The following ZBED6 variants were observed in gnomAD, a reference collection of about 807,000 sequenced individuals.
The protein encoded by ZBED6 is zinc finger BED-type containing 6.
A neutral mutation model predicts 58.4 loss-of-function variants in ZBED6; 40 were observed. That is an observed-to-expected ratio of 0.68 (90% CI 0.53 to 0.89). The LOEUF is 0.89. Ranked by LOEUF, ZBED6 falls within the 40% of genes least tolerant of loss-of-function variation. The pLI is 0.00. For synonymous variants in ZBED6, 439 were observed against 350.6 expected (o/e 1.25, Z -2.82); for missense variants, 1,057 against 1,003.9 (o/e 1.05, Z -0.71).
intron 11 of ZBED6, among the ~76,000 whole-genome samples, chr1:203,845,791 G>C (rs1177447135): frequency 6.6e-6 from 1 of 152,140 alleles, no homozygotes; most frequent in Non-Finnish European, 1.5e-5. Flanking sequence ...TTGAACCCAG[G>C]AGATGTAGGT....
intron 1 of ZBED6, among the ~76,000 whole-genome samples, chr1:203,809,172 GTTTTTTT>G (rs33926996): frequency 1.2e-5 from 1 of 83,250 alleles, no homozygotes; most frequent in African/African-American, 5.1e-5. Context: ...TCTTCTCACT[GTTTTTTT>G]TTTTTTTTTT....
intron 3 of ZBED6, among the ~76,000 whole-genome samples, chr1:203,820,458 A>G (rs1015569119): frequency 6.6e-5 from 7 of 105,944 alleles, no homozygotes; most frequent in African/African-American, 2.2e-4. Flanking sequence ...TAGCAGGAAT[A>G]TCACAAATTA....
chr1:203,826,839 A>G (rs11240571), intron 3 of ZBED6, among the ~76,000 whole-genome samples: 73,463 of 152,008 alleles, frequency 0.48, 18,303 homozygotes, highest in Non-Finnish European at 0.53. Flanking sequence ...AAATGTATCT[A>G]GAAAAGTGCA....
chr1:203,838,672 C>T (rs149234790), intron 10 of ZBED6, among the ~76,000 whole-genome samples: 76 of 152,080 alleles, frequency 5.0e-4, no homozygotes, highest in East Asian at 4.1e-3. Context: ...ATAAACAGGC[C>T]GGGCACGGTA....
chr1:203,844,361 T>C (rs1316428589), intron 11 of ZBED6, among the ~76,000 whole-genome samples: 2 of 151,756 alleles, frequency 1.3e-5, no homozygotes, highest in Non-Finnish European at 2.9e-5. Context: ...GGTTTCACCC[T>C]GTTGGCCAGG....
chr1:203,800,485 G>T, exon 1 of ZBED6: 2 of 1,461,108 alleles, frequency 1.4e-6, no homozygotes, highest in South Asian at 2.9e-5. Context: ...CATTTAAAAT[G>T]GGCAACTTTT....
chr1:203,838,106 G>A (rs775277241), intron 10 of ZBED6, 42 bp downstream of exon 10: 1 of 1,570,102 alleles, frequency 6.4e-7, no homozygotes, highest in Non-Finnish European at 8.7e-7. Flanking sequence ...ATGTAATTAT[G>A]ACACTTGTGT....
chr1:203,828,288 C>T lies in ZBED6; in HGVS notation c.*2874-11C>T, dbSNP rs778876646. Reference sequence around the variant, plus strand: ...TTTTATTTGAAAGCAATGTGTTTTTCCCTCTTACAGAAAAAACGCAGTGAA... The same window carrying T: ...TTTTATTTGAAAGCAATGTGTTTTTTCCTCTTACAGAAAAAACGCAGTGAA... On this transcript the variant is annotated splice_polypyrimidine_tract_variant and intron_variant, in intron 3 of 16. Transcript: ENST00000550078. 6.2e-7 allele frequency: 1 copy of T among 1,613,676 alleles called. No individual in the cohort carries two copies. The highest frequency in any genetic ancestry group is 2.2e-5 in the East Asian group (1 of 44,844).
chr1:203,852,664 G>A (rs1370574169), exon 17 of ZBED6: 1 of 466,830 alleles, frequency 2.1e-6, no homozygotes, highest in East Asian at 4.2e-5. Flanking sequence ...CCACAAAAAA[G>A]AGACTGAGAG....
exon 1 of ZBED6, chr1:203,799,070 C>A (rs1442912132): frequency 6.5e-7 from 1 of 1,536,006 alleles, no homozygotes; most frequent in Non-Finnish European, 8.7e-7. Flanking sequence ...ATGGCAGGAT[C>A]CCCGATTTTA....
intron 7 of ZBED6, among the ~76,000 whole-genome samples, chr1:203,831,049 A>AT (rs1210203946): frequency 7.2e-6 from 1 of 139,194 alleles, no homozygotes; most frequent in Admixed American, 8.4e-5. Flanking sequence ...AGTTCAAGCT[A>AT]TTCTGCTGCC....
chr1:203,835,420 A>G (rs1683977834), intron 9 of ZBED6, among the ~76,000 whole-genome samples: 1 of 152,220 alleles, frequency 6.6e-6, no homozygotes, highest in Admixed American at 6.5e-5. Context: ...CATTTACGAA[A>G]AAAGCTTAGA....
At chr1:203,813,068 A>G (rs1675057303) in intron 1 of ZBED6, among the ~76,000 whole-genome samples, 1 of 152,288 alleles carries the variant, frequency 6.6e-6, no homozygotes, top group Non-Finnish European at 1.5e-5. Flanking sequence ...TTTGTATATC[A>G]GACCTTATCA....
At chr1:203,814,140 TCTC>T (rs1187277043) in intron 1 of ZBED6, among the ~76,000 whole-genome samples, 2 of 152,126 alleles carry the variant, frequency 1.3e-5, no homozygotes, top group Non-Finnish European at 2.9e-5. Context: ...TGCTTAGAAA[TCTC>T]CTCAGCTAAA....
intron 1 of ZBED6, among the ~76,000 whole-genome samples, chr1:203,808,138 C>T (rs1673018935): frequency 6.6e-6 from 1 of 151,956 alleles, no homozygotes; most frequent in Non-Finnish European, 1.5e-5. Flanking sequence ...AGTATAAGTA[C>T]ATAGGTGATA....
intron 11 of ZBED6, among the ~76,000 whole-genome samples, chr1:203,846,159 T>TG (rs1327198165): frequency 7.2e-6 from 1 of 138,642 alleles, no homozygotes; most frequent in Non-Finnish European, 1.6e-5. Context: ...TATAATTTTT[T>TG]TGGGGGGGGG....
chr1:203,849,601 A>G, intron 13 of ZBED6, 110 bp from the exon 14 acceptor site: 1 of 1,042,366 alleles, frequency 9.6e-7, no homozygotes, highest in South Asian at 1.5e-5. Context: ...TTTCTCTCAG[A>G]TTCTGGATCA....
In ZBED6 at chr1:203,797,386, T is replaced by TCGCCG; in HGVS notation, c.-137_-136insCGCCG. The TCGCCG allele has an allele frequency of 1.3e-6, 1 of 785,856 alleles. No homozygotes were observed. The highest frequency in any genetic ancestry group is 2.3e-5 in the South Asian group (1 of 42,674). The allele number at this position is 785,856 out of a possible 1,614,324, so 48.7% of individuals were successfully genotyped here. On this transcript the variant is annotated 5_prime_UTR_variant, in exon 1 of 17. The change abolishes the stop of an existing upstream ORF in the 5' untranslated region. Transcript: ENST00000550078. Reference sequence around the variant, plus strand: ...CTCCAAAAATAACCTGGCTTGGAAGTTATTGGTCCAGTGGGAATTTGATTC... The same window carrying TCGCCG: ...CTCCAAAAATAACCTGGCTTGGAAGTCGCCGTATTGGTCCAGTGGGAATTTGATTC...
At chr1:203,831,488 C>T (rs1162459534) in intron 7 of ZBED6, among the ~76,000 whole-genome samples, 173 bp from the exon 8 acceptor site, 2 of 152,092 alleles carry the variant, frequency 1.3e-5, no homozygotes, top group Non-Finnish European at 2.9e-5. Context: ...CCCAAGGCTC[C>T]CCTCACCACT....
Sources: allele counts gnomAD v4.1 joint callset (sites outside exome capture counted in the v4.1 genomes callset), GRCh38; gene constraint gnomAD v4.1.1; transcripts MANE v1.5; gene names NCBI Gene and HGNC (gene_info 2026-07-23, HGNC 2026-07-21).